The following CACNA2D3 variants were observed in gnomAD, a reference collection of about 807,000 sequenced individuals.
CACNA2D3 encodes calcium voltage-gated channel auxiliary subunit alpha2delta 3.
CACNA2D3 carries 60 observed loss-of-function variants against 160.6 expected under a neutral mutation model. The observed-to-expected ratio is 0.37, with a 90% CI of 0.30 to 0.46. CACNA2D3 has a LOEUF of 0.46. CACNA2D3 is among the 20% of genes least tolerant of loss of function. CACNA2D3 has a pLI of 1.00. For synonymous variants in CACNA2D3, 558 were observed against 492.9 expected, an observed-to-expected ratio of 1.13 and a Z score of -1.75; for missense variants, 1,205 against 1,365.0, an observed-to-expected ratio of 0.88 and a Z score of 1.85.
intron 11 of CACNA2D3, among the ~76,000 whole-genome samples, chr3:54,705,564 GA>G (rs1700842506): frequency 6.6e-6 from 1 of 152,176 alleles, no homozygotes; most frequent in Non-Finnish European, 1.5e-5. Flanking sequence ...AAGGGTTATA[GA>G]TAACACATTG....
chr3:54,435,871 C>T (rs80282304), intron 4 of CACNA2D3, among the ~76,000 whole-genome samples: 2 of 152,004 alleles, frequency 1.3e-5, no homozygotes, highest in East Asian at 1.9e-4. Flanking sequence ...AAATCTTAGC[C>T]AAAAACAGAA....
chr3:54,365,570 T>C (rs1698814378), intron 3 of CACNA2D3, among the ~76,000 whole-genome samples: 1 of 152,138 alleles, frequency 6.6e-6, no homozygotes, highest in African/African-American at 2.4e-5. Context: ...AGGTGGATAA[T>C]ACAGGCTATC....
At chr3:54,265,530 ATGTG>A (rs59375998) in intron 2 of CACNA2D3, among the ~76,000 whole-genome samples, 144 of 134,802 alleles carry the variant, frequency 1.1e-3, no homozygotes, top group Middle Eastern at 3.7e-3. Flanking sequence ...AACTTAAAGT[ATGTG>A]TGTGTGTGTG....
intron 11 of CACNA2D3, among the ~76,000 whole-genome samples, chr3:54,719,669 G>A (rs1575439728): frequency 6.6e-6 from 1 of 151,966 alleles, no homozygotes; most frequent in Non-Finnish European, 1.5e-5. Context: ...AAAATGAGTT[G>A]GGCAGAGTTT....
At chr3:54,806,911 C>G (rs988772699) in intron 13 of CACNA2D3, among the ~76,000 whole-genome samples, 1 of 152,186 alleles carries the variant, frequency 6.6e-6, no homozygotes, top group African/African-American at 2.4e-5. Flanking sequence ...ATATCTACAA[C>G]TGTCTGATCT....
intron 14 of CACNA2D3, among the ~76,000 whole-genome samples, chr3:54,818,699 G>A (rs1383652131): frequency 2.6e-5 from 4 of 152,110 alleles, no homozygotes; most frequent in African/African-American, 7.2e-5. Context: ...TTTTTTCCCT[G>A]TCTCCGAATG....
intron 10 of CACNA2D3, among the ~76,000 whole-genome samples, chr3:54,631,520 T>G (rs1699237735): frequency 6.6e-6 from 1 of 152,096 alleles, no homozygotes; most frequent in African/African-American, 2.4e-5. Flanking sequence ...AATAAAAAGT[T>G]ATTTCTTGAA....
At chr3:54,880,695 A>G (rs1699774393) in intron 20 of CACNA2D3, 101 bp from the exon 21 acceptor site, 1 of 1,033,610 alleles carries the variant, frequency 9.7e-7, no homozygotes, top group South Asian at 1.3e-5. Flanking sequence ...GACAGATCAT[A>G]AAATGGAAAT....
intron 5 of CACNA2D3, among the ~76,000 whole-genome samples, chr3:54,550,522 A>G (rs1317545468): frequency 6.6e-6 from 1 of 152,206 alleles, no homozygotes; most frequent in Non-Finnish European, 1.5e-5. Context: ...CCACTCTTTC[A>G]TGCTGCTGAT....
intron 5 of CACNA2D3, among the ~76,000 whole-genome samples, chr3:54,546,922 T>A (rs1702075019): frequency 6.6e-6 from 1 of 152,204 alleles, no homozygotes; most frequent in Non-Finnish European, 1.5e-5. Context: ...TATAAGTAGT[T>A]TAATAGAGTT....
intron 11 of CACNA2D3, among the ~76,000 whole-genome samples, chr3:54,736,842 T>C (rs1268145500): frequency 2.0e-5 from 3 of 152,202 alleles, no homozygotes; most frequent in Non-Finnish European, 4.4e-5. Context: ...GCCTGCTGTG[T>C]GACCTGGGAC....
At chr3:54,421,078 C>A (rs528309897) in intron 4 of CACNA2D3, among the ~76,000 whole-genome samples, 1 of 152,266 alleles carries the variant, frequency 6.6e-6, no homozygotes, top group African/African-American at 2.4e-5. Flanking sequence ...TCTACAATAT[C>A]CATGATGCTC....
chr3:54,687,135 G>GTTTTTT (rs1290353261), intron 11 of CACNA2D3, among the ~76,000 whole-genome samples: 2 of 88,892 alleles, frequency 2.2e-5, no homozygotes, highest in Non-Finnish European at 4.3e-5. Flanking sequence ...TTTTTTTTTT[G>GTTTTTT]TTTTTTTTTT....
chr3:54,215,472 C>A (rs920322697), intron 2 of CACNA2D3, among the ~76,000 whole-genome samples: 3 of 152,178 alleles, frequency 2.0e-5, no homozygotes, highest in Non-Finnish European at 2.9e-5. Context: ...CTTTTGACTG[C>A]GTATCAGTCC....
At chr3:54,456,325 A>G (rs980810818) in intron 4 of CACNA2D3, among the ~76,000 whole-genome samples, 1 of 151,826 alleles carries the variant, frequency 6.6e-6, no homozygotes, top group African/African-American at 2.4e-5. Flanking sequence ...ACCAATTGTA[A>G]ATAGGATTGC....
At chr3:54,833,995 G>A (rs1407200322) in intron 14 of CACNA2D3, among the ~76,000 whole-genome samples, 7 of 152,122 alleles carry the variant, frequency 4.6e-5, no homozygotes, top group African/African-American at 1.7e-4. Context: ...GTTTACCTGG[G>A]GCTGGTTACA....
intron 27 of CACNA2D3, among the ~76,000 whole-genome samples, chr3:54,951,179 G>T (rs2107015738): frequency 1.3e-5 from 2 of 152,258 alleles, no homozygotes; most frequent in Admixed American, 1.3e-4. Context: ...ATAACTACAA[G>T]ATAATACAGA....
intron 11 of CACNA2D3, among the ~76,000 whole-genome samples, chr3:54,694,612 CAGTT>C (rs1700629277): frequency 6.6e-6 from 1 of 152,192 alleles, no homozygotes; most frequent in African/African-American, 2.4e-5. Flanking sequence ...TGTGACAAGA[CAGTT>C]GGTGGATGCT....
intron 2 of CACNA2D3, among the ~76,000 whole-genome samples, chr3:54,299,223 A>C (rs1262045219): frequency 1.3e-5 from 2 of 151,182 alleles, no homozygotes; most frequent in East Asian, 1.9e-4. Flanking sequence ...AAAAAAAAAA[A>C]ACCAGTGCTT....
Sources: allele counts gnomAD v4.1 joint callset (sites outside exome capture counted in the v4.1 genomes callset), GRCh38; gene constraint gnomAD v4.1.1; transcripts MANE v1.5; gene names NCBI Gene and HGNC (gene_info 2026-07-23, HGNC 2026-07-21).